The following PRIM2 variants were observed in gnomAD, a reference collection of about 807,000 sequenced individuals.
PRIM2 encodes the protein DNA primase large subunit.
PRIM2 carries 39 observed loss-of-function variants against 67.3 expected under a neutral mutation model. That is an observed-to-expected ratio of 0.58 (90% CI 0.45 to 0.76). The LOEUF (loss-of-function observed/expected upper bound fraction) is 0.76, where lower values mean the gene tolerates loss of function less well. Ranked by LOEUF, PRIM2 falls within the 30% of genes least tolerant of loss-of-function variation. The pLI is 0.00. For synonymous variants in PRIM2, 143 were observed against 198.7 expected, an observed-to-expected ratio of 0.72 and a Z score of 2.36; for missense variants, 398 against 598.7, an observed-to-expected ratio of 0.66 and a Z score of 3.50.
the PRIM2 span, among the ~76,000 whole-genome samples, chr6:57,243,635 C>CT: frequency 6.6e-5 from 10 of 151,860 alleles, no homozygotes; most frequent in African/African-American, 9.7e-5. Context: ...CGCCCCGACT[C>CT]TTTTTTTTAT....
At chr6:57,313,692 T>C (rs1243497616), upstream of PRIM2, among the ~76,000 whole-genome samples, 1 of 152,184 alleles carries the variant, frequency 6.6e-6, no homozygotes, top group Non-Finnish European at 1.5e-5. Flanking sequence ...CTTTTATGGG[T>C]CAGCTATCTT....
intron 5 of PRIM2, among the ~76,000 whole-genome samples, chr6:57,374,582 G>A (rs772248945): frequency 3.4e-5 from 5 of 145,514 alleles, no homozygotes; most frequent in South Asian, 2.2e-4. Flanking sequence ...GTGAGCCACC[G>A]CGCCCGGCCT....
intron 7 of PRIM2, among the ~76,000 whole-genome samples, chr6:57,411,894 T>C (rs1216689966): frequency 6.6e-6 from 1 of 151,840 alleles, no homozygotes; most frequent in Non-Finnish European, 1.5e-5. Context: ...AATAATACAA[T>C]TTAATAATGT....
At chr6:57,532,280 A>C (rs1488822206) in intron 8 of PRIM2, 131 bp from the exon 9 acceptor site, 7 of 420,984 alleles carry the variant, frequency 1.7e-5, no homozygotes, top group Admixed American at 4.3e-5. Flanking sequence ...ACACTTGGCT[A>C]TGTTTCTGCT....
chr6:57,455,470 C>T (rs535166755), intron 7 of PRIM2, among the ~76,000 whole-genome samples: 1 of 152,108 alleles, frequency 6.6e-6, no homozygotes, highest in Admixed American at 6.5e-5. Flanking sequence ...CTGGGTGCTC[C>T]TGTATTGGGT....
intron 7 of PRIM2, among the ~76,000 whole-genome samples, chr6:57,473,237 G>A (rs1474410474): frequency 2.0e-4 from 30 of 152,238 alleles, no homozygotes; most frequent in African/African-American, 5.3e-4. Context: ...AACATTGTAG[G>A]GTGATGAGAT....
chr6:57,497,188 T>C (rs1774024253), intron 7 of PRIM2, among the ~76,000 whole-genome samples: 1 of 152,094 alleles, frequency 6.6e-6, no homozygotes, highest in Non-Finnish European at 1.5e-5. Flanking sequence ...TTAAAAGAAG[T>C]TGATGGTTAG....
chr6:57,403,892 A>AAC (rs1265717822), intron 7 of PRIM2, among the ~76,000 whole-genome samples: 1 of 150,832 alleles, frequency 6.6e-6, no homozygotes, highest in Non-Finnish European at 1.5e-5. Context: ...GGGCAACATC[A>AAC]ACAACAGACT....
At chr6:57,299,568 C>G in the PRIM2 span, among the ~76,000 whole-genome samples, 15 of 152,132 alleles carry the variant, frequency 9.9e-5, no homozygotes, top group Non-Finnish European at 2.1e-4. Context: ...CCAGTCCACC[C>G]TATGCTCGGC....
intron 7 of PRIM2, among the ~76,000 whole-genome samples, chr6:57,437,701 T>G (rs1161837321): frequency 6.7e-6 from 1 of 149,860 alleles, no homozygotes; most frequent in Non-Finnish European, 1.5e-5. Context: ...GGTCTTACTC[T>G]GTCATTCAGG....
chr6:57,535,168 G>A (rs1351428698), intron 9 of PRIM2, among the ~76,000 whole-genome samples: 2 of 151,996 alleles, frequency 1.3e-5, no homozygotes, highest in African/African-American at 2.4e-5. Flanking sequence ...TAGAAATTGA[G>A]GTGGGTCTTG....
chr6:57,637,680 T>A (rs1777149206), intron 13 of PRIM2, among the ~76,000 whole-genome samples: 1 of 151,628 alleles, frequency 6.6e-6, no homozygotes, highest in Non-Finnish European at 1.5e-5. Context: ...CTTAATGAAA[T>A]AAAGCAAGAA....
intron 7 of PRIM2, among the ~76,000 whole-genome samples, chr6:57,476,697 T>G (rs1773485371): frequency 2.0e-5 from 3 of 152,166 alleles, no homozygotes; most frequent in Admixed American, 1.3e-4. Flanking sequence ...CCTGACTCAT[T>G]GGTTATAATA....
chr6:57,380,115 G>A, intron 6 of PRIM2, 119 bp downstream of exon 6: 1 of 748,016 alleles, frequency 1.3e-6, no homozygotes, highest in Non-Finnish European at 2.1e-6. Context: ...TCTGTCTCCT[G>A]CACAGATACT....
intron 10 of PRIM2, among the ~76,000 whole-genome samples, chr6:57,575,700 ATCT>A (rs1775951688): frequency 6.6e-6 from 1 of 151,984 alleles, no homozygotes; most frequent in Non-Finnish European, 1.5e-5. Context: ...AGTTTAATTA[ATCT>A]TTTTTTTTCT....
chr6:57,473,349 A>C (rs1476073538), intron 7 of PRIM2, among the ~76,000 whole-genome samples: 1 of 152,224 alleles, frequency 6.6e-6, no homozygotes, highest in Non-Finnish European at 1.5e-5. Flanking sequence ...TCGTCCTTAT[A>C]GCACCATGCC....
chr6:57,610,845 T>C (rs1425700205), intron 12 of PRIM2, among the ~76,000 whole-genome samples: 3 of 152,178 alleles, frequency 2.0e-5, no homozygotes, highest in African/African-American at 4.8e-5. Context: ...TGAACAATAC[T>C]GTCAACCAAC....
rs1777337452 is a variant in PRIM2, at chr6:57,646,510, C to T, written c.*352C>T. 1 of 161,244 alleles carries T rather than the reference C, an allele frequency of 6.2e-6. No individual in the cohort carries two copies. The highest frequency in any genetic ancestry group is 1.3e-5 in the Non-Finnish European group (1 of 77,386). 10.0% of individuals were successfully genotyped at this position (161,244 alleles called of 1,614,324 possible). Reference sequence around the variant, plus strand: ...ACGGTTGTGAGCCACTGTGCCTGGCCTTTTTTTTTTTTTTAACCTTTTTGT... The same window carrying T: ...ACGGTTGTGAGCCACTGTGCCTGGCTTTTTTTTTTTTTTTAACCTTTTTGT... On this transcript the variant is annotated 3_prime_UTR_variant, in exon 14 of 14. Transcript: ENST00000615550.
At chr6:57,542,938 G>GGTTTTTTTTTTTTT (rs1581980392) in intron 10 of PRIM2, among the ~76,000 whole-genome samples, 3 of 56,886 alleles carry the variant, frequency 5.3e-5, no homozygotes, top group Non-Finnish European at 6.6e-5. Flanking sequence ...CTGCTTATAG[G>GGTTTTTTTTTTTTT]ATTTTTTTTT....
Sources: gnomAD v4.1 joint callset for allele counts (sites outside exome capture counted in the v4.1 genomes callset) on GRCh38, gnomAD v4.1.1 for gene constraint, MANE v1.5 for transcripts, NCBI Gene and HGNC (gene_info 2026-07-23, HGNC 2026-07-21) for gene names.